SNURF: variants seen among roughly 807,000 people sequenced by gnomAD.
The protein encoded by SNURF is SNRPN upstream open reading frame.
Under a neutral mutation model 11.6 loss-of-function variants are expected in SNURF, and 6 were observed. The observed-to-expected ratio is 0.52, with a 90% confidence interval of 0.28 to 1.02. The LOEUF (loss-of-function observed/expected upper bound fraction) is 1.02, where lower values mean the gene tolerates loss of function less well. Ranked by LOEUF, SNURF falls within the 50% of genes least tolerant of loss-of-function variation. The pLI, the probability that SNURF is intolerant of heterozygous loss-of-function variation, is 0.09. For synonymous variants in SNURF, 29 were observed against 31.6 expected, an observed-to-expected ratio of 0.92 and a Z score of 0.27; for missense variants, 84 against 88.4, an observed-to-expected ratio of 0.95 and a Z score of 0.20.
At chr15:24,977,653 A>C in intron 6 of SNURF, 2 of 945,570 alleles carry the variant, frequency 2.1e-6, no homozygotes, top group East Asian at 5.7e-5. Context: ...AAACATGGGA[A>C]TAATGAGAGA....
chr15:24,967,296 G>A (rs1367269823), intron 2 of SNURF: 1 of 153,334 alleles, frequency 6.5e-6, no homozygotes, highest in Non-Finnish European at 1.5e-5. Flanking sequence ...AGAGATTCCT[G>A]TTTTGTGTTA....
intron 3 of SNURF, chr15:24,974,605 G>T: frequency 2.5e-6 from 2 of 787,314 alleles, no homozygotes; most frequent in Non-Finnish European, 4.5e-6. Context: ...AGTATCAGCT[G>T]AAGATGAGCT....
At chr15:24,968,952 A>G (rs896715785), downstream of SNURF, 3 of 151,560 alleles carry the variant, frequency 2.0e-5, no homozygotes, top group African/African-American at 7.3e-5. Context: ...TTTCTACTTT[A>G]AGTTTTAGAA....
chr15:24,974,904 T>C, intron 3 of SNURF: 1 of 702,746 alleles, frequency 1.4e-6, no homozygotes, highest in Non-Finnish European at 2.6e-6. Flanking sequence ...CAGGAGTTTT[T>C]GGTCATGATT....
At position 24,964,503 on chromosome 15, in the gene SNURF, A is replaced by G. The variant is rs2075335103; in HGVS notation, c.110+2294A>G. Among the ~76,000 whole-genome samples, 2 of 152,132 alleles carry G rather than the reference A, an allele frequency of 1.3e-5. 1 individual carries two copies. Among genetic ancestry groups the G allele is most frequent in the African/African-American group, 4.8e-5 (2 of 41,418 alleles). On this transcript the variant is annotated intron_variant, in intron 2 of 2. Transcript: ENST00000577949. ...GAGACAGGGTTTCTCCATGTTGGTC[A>G]GGCTGGGCTCGAACTCCCGACCTCA...
downstream of SNURF, chr15:24,978,286 C>T (rs1240777559): frequency 6.2e-6 from 10 of 1,613,990 alleles, no homozygotes; most frequent in African/African-American, 1.3e-5. Context: ...ATGCCGCCTC[C>T]GGGAATGAGA....
chr15:24,956,324 C>T (rs1004602685), intron 1 of SNURF, among the ~76,000 whole-genome samples: 1 of 141,630 alleles, frequency 7.1e-6, no homozygotes, highest in African/African-American at 2.6e-5. Context: ...GCCGCCGCTG[C>T]AGCGGCTTAG....
downstream of SNURF, among the ~76,000 whole-genome samples, chr15:24,970,842 A>G (rs761001809): frequency 5.3e-5 from 8 of 152,162 alleles, no homozygotes; most frequent in Non-Finnish European, 1.2e-4. Context: ...CCTTTCCAAT[A>G]AAGGAAATTT....
chr15:24,964,238 T>C (rs2075290444), intron 2 of SNURF, among the ~76,000 whole-genome samples: 1 of 152,186 alleles, frequency 6.6e-6, no homozygotes, highest in African/African-American at 2.4e-5. Flanking sequence ...TTGAAAGTAT[T>C]TTGTGTAATA....
intron 1 of SNURF, among the ~76,000 whole-genome samples, chr15:24,955,546 C>A (rs575714635): frequency 1.4e-5 from 2 of 143,378 alleles, no homozygotes; most frequent in Non-Finnish European, 3.0e-5. Context: ...GGGTGTTGAG[C>A]GCAGGTAGGT....
chr15:24,955,286 C>A (rs906108254), intron 1 of SNURF, among the ~76,000 whole-genome samples: 1 of 152,030 alleles, frequency 6.6e-6, no homozygotes, highest in South Asian at 2.1e-4. Context: ...GTCCCCCATC[C>A]GCCCCCAACT....
intron 4 of SNURF, chr15:24,975,583 A>G: frequency 7.8e-7 from 1 of 1,274,608 alleles, no homozygotes; most frequent in Non-Finnish European, 1.1e-6. Flanking sequence ...GGAGTAAGGG[A>G]TTTCCGAGGG....
At chr15:24,960,739 T>C (rs1403671585) in intron 1 of SNURF, among the ~76,000 whole-genome samples, 2 of 152,322 alleles carry the variant, frequency 1.3e-5, no homozygotes, top group South Asian at 2.1e-4. Context: ...CCTTTTATTG[T>C]TGAGTTGTGA....
intron 2 of SNURF, among the ~76,000 whole-genome samples, chr15:24,966,107 C>T (rs762553543): frequency 6.6e-6 from 1 of 152,012 alleles, no homozygotes; most frequent in Non-Finnish European, 1.5e-5. Context: ...TGTCTAGATG[C>T]CCTCCAGAAC....
At chr15:24,966,723 C>T (rs2075694736) in intron 2 of SNURF, among the ~76,000 whole-genome samples, 1 of 152,106 alleles carries the variant, frequency 6.6e-6, no homozygotes, top group Admixed American at 6.6e-5. Flanking sequence ...GGAGCAAAGG[C>T]CAGTTAAATT....
At chr15:24,960,646 T>G (rs543472916) in intron 1 of SNURF, among the ~76,000 whole-genome samples, 1 of 152,360 alleles carries the variant, frequency 6.6e-6, no homozygotes, top group South Asian at 2.1e-4. Context: ...ATGTTCAGCA[T>G]CATTTCATAT....
chr15:24,971,339 A>G (rs945909769), downstream of SNURF, among the ~76,000 whole-genome samples: 1 of 152,158 alleles, frequency 6.6e-6, no homozygotes, highest in East Asian at 1.9e-4. Context: ...GATAAATTTG[A>G]CCACTCTGCA....
downstream of SNURF, among the ~76,000 whole-genome samples, chr15:24,973,814 G>A (rs575033157): frequency 6.6e-6 from 1 of 152,242 alleles, no homozygotes; most frequent in South Asian, 2.1e-4. Context: ...GGAAGTCTTA[G>A]GCAGGTTTAT....
At chr15:24,961,662 T>A (rs940175950) in intron 1 of SNURF, among the ~76,000 whole-genome samples, 2 of 152,200 alleles carry the variant, frequency 1.3e-5, no homozygotes, top group African/African-American at 2.4e-5. Context: ...AAAGTAGATA[T>A]TTTATAATTT....
Sources: gnomAD v4.1 joint callset for allele counts (sites outside exome capture counted in the v4.1 genomes callset) on GRCh38, gnomAD v4.1.1 for gene constraint, MANE v1.5 for transcripts, NCBI Gene and HGNC (gene_info 2026-07-23, HGNC 2026-07-21) for gene names.